Variants in DYNC2I1 observed in about 807,000 individuals in gnomAD.
DYNC2I1 encodes the protein cytoplasmic dynein 2 intermediate chain 1.
Under a neutral mutation model 133.4 loss-of-function variants are expected in DYNC2I1, and 89 were observed. The observed-to-expected ratio is 0.67, with a 90% CI of 0.56 to 0.80. The LOEUF is 0.80. Among genes scored for constraint, DYNC2I1 ranks in the 30% least tolerant of loss-of-function variants. The probability of loss-of-function intolerance (pLI) is 0.00; values close to 1 mark genes in which losing one functional copy is unlikely to be tolerated. For synonymous variants in DYNC2I1, 504 were observed against 484.3 expected (o/e 1.04, Z -0.54); for missense variants, 1,291 against 1,314.5 (o/e 0.98, Z 0.28).
chr7:158,846,426 T>C, the DYNC2I1 span, among the ~76,000 whole-genome samples: 25 of 152,264 alleles, frequency 1.6e-4, 1 homozygote, highest in East Asian at 2.9e-3. Context: ...AATAAAATGG[T>C]TGTTCAAGAA....
chr7:158,930,584 C>A, intron 21 of DYNC2I1, 69 bp downstream of exon 21: 1 of 1,318,208 alleles, frequency 7.6e-7, no homozygotes, highest in Non-Finnish European at 1.1e-6. Flanking sequence ...TGGGGAATTG[C>A]ATATACGGTA....
chr7:158,886,962 TA>T, intron 6 of DYNC2I1, 58 bp from the exon 7 acceptor site: 1 of 1,503,322 alleles, frequency 6.7e-7, no homozygotes, highest in South Asian at 1.1e-5. Flanking sequence ...GAAAATGTTT[TA>T]TTTTTTAAAA....
chr7:158,872,881 C>T (rs1195377119), intron 3 of DYNC2I1, among the ~76,000 whole-genome samples: 1 of 151,720 alleles, frequency 6.6e-6, no homozygotes, highest in Non-Finnish European at 1.5e-5. Flanking sequence ...GGCACAGCTG[C>T]TTGGGAGGCT....
chr7:158,910,502 G>C (rs1176184394), intron 11 of DYNC2I1, among the ~76,000 whole-genome samples: 1 of 150,548 alleles, frequency 6.6e-6, no homozygotes, highest in Non-Finnish European at 1.5e-5. Flanking sequence ...CAGGCCTGTG[G>C]GTGGAGGGCC....
At chr7:158,920,368 A>C (rs1563174215) in intron 15 of DYNC2I1, among the ~76,000 whole-genome samples, 1 of 150,308 alleles carries the variant, frequency 6.7e-6, no homozygotes, top group Non-Finnish European at 1.5e-5. Flanking sequence ...TGTGTACCAC[A>C]GCGTGTGGCC....
At chr7:158,943,583 C>T (rs758042156) in intron 24 of DYNC2I1, among the ~76,000 whole-genome samples, 8 of 152,122 alleles carry the variant, frequency 5.3e-5, no homozygotes, top group South Asian at 2.1e-4. Flanking sequence ...TGGGCAGGGG[C>T]GGGTAGCACA....
chr7:158,934,174 G>T lies in DYNC2I1; in HGVS notation c.2592G>T (p.Leu864=). 1 of 1,612,438 alleles carries T rather than the reference G, an allele frequency of 6.2e-7. No individual in the cohort carries two copies. The highest frequency in any genetic ancestry group is 8.5e-7 in the Non-Finnish European group (1 of 1,179,592). Residue 864 remains leucine, a synonymous_variant, in exon 22 of 25, where the codon CTG becomes CTT. Transcript: ENST00000407559. ...GNEFWGTTQT[L]NVKFLPSDPN... ...AATTTTGGGGCACTACACAAACACT[G>T]AATGTTAAATTTCTGCCTTCAGATC...
rs116707343 is a variant in DYNC2I1 at position 158,944,419 on chromosome 7, C to T, written c.3003-1162C>T. Among the ~76,000 whole-genome samples, 1,035 of 152,266 alleles carry T rather than the reference C, an allele frequency of 6.8e-3. 10 individuals carry two copies. The highest frequency in any genetic ancestry group is 0.024 in the African/African-American group (978 of 41,534). ...GTTTACCAAGGGACTGTTTTATTTG[C>T]CCGGTGTCAGGGAAGCCTTTGGTGT... On this transcript the variant is annotated intron_variant, in intron 24 of 24. Transcript: ENST00000407559.
At chr7:158,878,984 A>T (rs1264596078) in intron 4 of DYNC2I1, among the ~76,000 whole-genome samples, 1 of 147,356 alleles carries the variant, frequency 6.8e-6, no homozygotes, top group African/African-American at 2.6e-5. Flanking sequence ...GCCGGGTGCC[A>T]TGTGGGGAGG....
intron 23 of DYNC2I1, among the ~76,000 whole-genome samples, chr7:158,940,782 A>G (rs1031623203): frequency 6.6e-6 from 1 of 152,212 alleles, no homozygotes; most frequent in Non-Finnish European, 1.5e-5. Flanking sequence ...TATTGAAACA[A>G]ATGAAAATGG....
intron 1 of DYNC2I1, among the ~76,000 whole-genome samples, chr7:158,869,195 G>T (rs1194690724): frequency 6.7e-6 from 1 of 150,236 alleles, no homozygotes; most frequent in East Asian, 2.0e-4. Context: ...GCCCGTGGCT[G>T]TGGCATCTGC....
chr7:158,897,127 G>T lies in DYNC2I1; in HGVS notation c.1060-4612G>T, dbSNP rs373581278. 3.4e-4 allele frequency among the ~76,000 whole-genome samples: 52 copies of T among 151,902 alleles called. 1 individual carries two copies. In the East Asian group the frequency reaches 9.7e-3, roughly 28 times the overall value. On this transcript the variant is annotated intron_variant, in intron 8 of 24. Coordinates refer to ENST00000407559, the MANE Select transcript of DYNC2I1 (RefSeq NM_018051.5). ...GCCTCCCGAGTAGCTGGGATTACAG[G>T]TGCCTGCCGCCATGCCCAGCTAATT...
intron 17 of DYNC2I1, 69 bp downstream of exon 17, chr7:158,923,802 T>A (rs1394295797): frequency 6.5e-6 from 10 of 1,547,652 alleles, no homozygotes; most frequent in Non-Finnish European, 8.7e-6. Flanking sequence ...AACAAAGCTT[T>A]ACATGGATTT....
At chr7:158,865,055 G>A (rs1333774582) in intron 1 of DYNC2I1, among the ~76,000 whole-genome samples, 1 of 152,206 alleles carries the variant, frequency 6.6e-6, no homozygotes, top group Admixed American at 6.5e-5. Flanking sequence ...GGCTTACAGA[G>A]CGCGGAAGCC....
At chr7:158,882,256 G>A (rs1363305922) in intron 5 of DYNC2I1, among the ~76,000 whole-genome samples, 5 of 152,096 alleles carry the variant, frequency 3.3e-5, no homozygotes, top group Non-Finnish European at 7.4e-5. Context: ...TTGTGTTGGA[G>A]AAGCCATAGG....
rs1165245900 is a variant in DYNC2I1 at position 158,904,877 on chromosome 7, G to A, written c.1358-1112G>A. 5 of 246,918 alleles carry A rather than the reference G, an allele frequency of 2.0e-5. 1 individual carries two copies. The highest frequency in any genetic ancestry group is 2.4e-5 in the Non-Finnish European group (3 of 125,642). The allele number at this position is 246,918 out of a possible 1,614,324, so 15.3% of individuals were successfully genotyped here. A position where few individuals can be genotyped will look rare whatever the true frequency, so the allele number is the denominator to read the frequency against. On this transcript the variant is annotated intron_variant, in intron 10 of 24. Transcript: ENST00000407559. Reference sequence around the variant, plus strand: ...GCATTGCTGGCCGTAAAGCTTTGTTGTGAAGATCAGATGAGATAATGTGTG... The same window carrying A: ...GCATTGCTGGCCGTAAAGCTTTGTTATGAAGATCAGATGAGATAATGTGTG...
At chr7:158,910,123 T>C (rs1264134192) in intron 11 of DYNC2I1, among the ~76,000 whole-genome samples, 1 of 152,172 alleles carries the variant, frequency 6.6e-6, no homozygotes, top group African/African-American at 2.4e-5. Context: ...CAGTGAGGAG[T>C]AACAAACAAA....
chr7:158,924,346 G>A (rs1469691707), intron 17 of DYNC2I1, among the ~76,000 whole-genome samples: 2 of 152,230 alleles, frequency 1.3e-5, no homozygotes, highest in African/African-American at 2.4e-5. Flanking sequence ...CCCATGCCAC[G>A]CCCTGCACCG....
the DYNC2I1 span, among the ~76,000 whole-genome samples, chr7:158,848,902 A>C: frequency 6.6e-6 from 1 of 150,816 alleles, no homozygotes; most frequent in Non-Finnish European, 1.5e-5. Context: ...CAGCCTGGGC[A>C]ACAGAGTGAG....
Sources: allele counts gnomAD v4.1 joint callset (sites outside exome capture counted in the v4.1 genomes callset), GRCh38; gene constraint gnomAD v4.1.1; transcripts MANE v1.5; gene names NCBI Gene and HGNC (gene_info 2026-07-23, HGNC 2026-07-21).